LTA4H: variants seen among roughly 807,000 people sequenced by gnomAD.
LTA4H encodes leukotriene A4 hydrolase.
LTA4H carries 59 observed loss-of-function variants against 89.8 expected under a neutral mutation model. That is an observed-to-expected ratio of 0.66 (90% CI 0.53 to 0.82). The LOEUF is 0.82. Ranked by LOEUF, LTA4H falls within the 40% of genes least tolerant of loss-of-function variation. The pLI is 0.00. For synonymous variants in LTA4H, 227 were observed against 253.1 expected (o/e 0.90, Z 0.98); for missense variants, 617 against 727.0 (o/e 0.85, Z 1.74).
intron 3 of LTA4H, among the ~76,000 whole-genome samples, chr12:96,026,196 G>C (rs1950511331): frequency 6.6e-6 from 1 of 152,170 alleles, no homozygotes; most frequent in Non-Finnish European, 1.5e-5. Flanking sequence ...ATGGTTTCTA[G>C]TTAGGTGACA....
At chr12:96,010,055 T>C (rs1398509339) in intron 14 of LTA4H, 3 of 152,206 alleles carry the variant, frequency 2.0e-5, no homozygotes, top group Non-Finnish European at 4.4e-5. Flanking sequence ...GCATGCCATT[T>C]TGTCTTCAAG....
In LTA4H at chr12:96,018,862, C is replaced by G. The variant is rs181715691; in HGVS notation, c.753G>C (p.Pro251=). 1.2e-6 allele frequency: 2 copies of G among 1,602,022 alleles called. No individual in the cohort carries two copies. Among genetic ancestry groups the G allele is most frequent in the South Asian group, 2.3e-5 (2 of 88,342 alleles). ...MLKIAEDLGG[P]YVWGQYDLLV... Reference sequence around the variant, plus strand: ...ATAGGTCATACTGTCCCCATACATACGGTCCTCCCAGATCTTCTGCTATTT... The same window carrying G: ...ATAGGTCATACTGTCCCCATACATAGGGTCCTCCCAGATCTTCTGCTATTT... Residue 251 remains proline, a synonymous_variant, in exon 8 of 19, where the codon CCG becomes CCC. Transcript: ENST00000228740.
At chr12:96,012,163 G>A (rs1006960742) in intron 14 of LTA4H, 2 of 152,074 alleles carry the variant, frequency 1.3e-5, no homozygotes, top group Non-Finnish European at 2.9e-5. Flanking sequence ...AACACTTCTC[G>A]GCCTGGCTGT....
At position 96,029,068 on chromosome 12, in the gene LTA4H, T is replaced by C. The variant is rs1950543230; in HGVS notation, c.277A>G (p.Ile93Val). ...TAACATTCATACTTGCTCAAAGCGA[T>C]AGGAAGAGAGATTTCCATTGGCGAT... is the stretch of plus-strand genomic sequence containing the variant. Reference protein sequence around the residue: ...KGSPMEISLPIALSKNQEIVI... With the variant: ...KGSPMEISLPVALSKNQEIVI... The change falls in exon 2 of 19, where the codon ATC becomes GTC. Residue 93 changes from isoleucine to valine, a missense_variant. Physicochemically the swap from Ile to Val is conservative, Grantham distance 29. Transcript: ENST00000228740. The C allele has an allele frequency of 1.9e-6, 3 of 1,587,382 alleles. No homozygotes were observed. Among genetic ancestry groups the C allele is most frequent in the South Asian group, 1.2e-5 (1 of 84,696 alleles).
At chr12:96,032,036 T>C (rs1415625765) in intron 1 of LTA4H, among the ~76,000 whole-genome samples, 1 of 152,240 alleles carries the variant, frequency 6.6e-6, no homozygotes, top group Non-Finnish European at 1.5e-5. Context: ...AACAAGATGG[T>C]TTGCAGTCAG....
intron 13 of LTA4H, 39 bp downstream of exon 13, chr12:96,013,711 T>G: frequency 9.8e-7 from 1 of 1,024,572 alleles, no homozygotes; most frequent in Non-Finnish European, 1.5e-6. Flanking sequence ...AATAGAGATA[T>G]ATCGAGCATG....
intron 16 of LTA4H, 141 bp downstream of exon 16, chr12:96,006,173 T>C: frequency 1.8e-6 from 1 of 544,704 alleles, no homozygotes; most frequent in Non-Finnish European, 3.2e-6. Context: ...TTCAATGCTT[T>C]TTTAAAGAAA....
At chr12:96,021,631 G>A in intron 5 of LTA4H, among the ~76,000 whole-genome samples, 1 of 151,530 alleles carries the variant, frequency 6.6e-6, no homozygotes, top group East Asian at 1.9e-4. Context: ...AGCTGCAGTG[G>A]AAGTCAAATT....
Position 96,022,222 on chromosome 12 carries a change from A to C in LTA4H, c.510T>G (p.Leu170=), listed in dbSNP as rs1592889749. The change falls in exon 5 of 19, where the codon CTT becomes CTG. Residue 170 remains leucine (L), a synonymous_variant. Transcript: ENST00000228740. The surrounding 1 kb of genome is among the most constrained non-coding windows in gnomAD (Gnocchi z 4.0). The stretch of plus-strand genomic sequence containing the variant: ...TTTCTCCATCACGAATAGCACTCAT[A>C]AGTGCCACCAGTTCTTTAGGGACAG... ...EVSVPKELVA[L]MSAIRDGETP... 1 of 1,613,332 alleles carries C rather than the reference A, an allele frequency of 6.2e-7. No individual in the cohort carries two copies.
chr12:96,016,934 G>A, intron 10 of LTA4H, 110 bp downstream of exon 10: 1 of 764,672 alleles, frequency 1.3e-6, no homozygotes, highest in Non-Finnish European at 2.3e-6. Context: ...CCTAAGAGAT[G>A]ATAACAAAGA....
rs953318464 is a variant in LTA4H at position 96,043,036 on chromosome 12, A to G, written c.87+253T>C. Among the ~76,000 whole-genome samples the G allele has an allele frequency of 3.3e-5, 5 of 152,102 alleles. No individual in the cohort carries two copies. The East Asian group carries it at 9.7e-4, about 29-fold the overall frequency. ...TCATACTTCATTCTTCCCCCAAAGC[A>G]CTCTGTCCTTGGACTGCACCTTCAC... is the stretch of plus-strand genomic sequence containing the variant. On this transcript the variant is annotated intron_variant, in intron 1 of 17. Transcript: ENST00000413268.
chr12:96,042,300 A>G, intron 1 of LTA4H, among the ~76,000 whole-genome samples: 1 of 152,108 alleles, frequency 6.6e-6, no homozygotes, highest in Non-Finnish European at 1.5e-5. Context: ...CCACTAACGC[A>G]GGCCTCCATA....
chr12:96,038,246 A>G (rs568721229), upstream of LTA4H, among the ~76,000 whole-genome samples: 5 of 152,330 alleles, frequency 3.3e-5, no homozygotes, highest in African/African-American at 9.6e-5. Flanking sequence ...AAAAACTGCT[A>G]TATTTCTGGA....
intron 1 of LTA4H, among the ~76,000 whole-genome samples, chr12:96,043,019 C>A (rs1180339105): frequency 6.6e-6 from 1 of 152,246 alleles, no homozygotes; most frequent in African/African-American, 2.4e-5. Context: ...TCTCATACTT[C>A]ATTCTTCCCC....
chr12:96,041,781 A>G (rs2367870), intron 1 of LTA4H, among the ~76,000 whole-genome samples: 91,033 of 151,362 alleles, frequency 0.6, 27,780 homozygotes, highest in African/African-American at 0.7. Context: ...AGCTGGGACT[A>G]CAGGCGCCCG....
chr12:96,025,625 A>C (rs1181417727), intron 3 of LTA4H, among the ~76,000 whole-genome samples: 1 of 152,032 alleles, frequency 6.6e-6, no homozygotes, highest in Non-Finnish European at 1.5e-5. Flanking sequence ...GAGCTCTAGA[A>C]TTTGAGACCA....
At chr12:96,010,620 A>G (rs1347695228) in intron 14 of LTA4H, 1 of 152,288 alleles carries the variant, frequency 6.6e-6, no homozygotes, top group Non-Finnish European at 1.5e-5. Context: ...AAAGGGAGCT[A>G]GAGTGTTAGG....
At chr12:96,014,098 A>T (rs763187135) in intron 12 of LTA4H, 4 of 303,110 alleles carry the variant, frequency 1.3e-5, no homozygotes, top group Non-Finnish European at 2.4e-5. Flanking sequence ...TAAGGGGATA[A>T]CACATGAAGA....
At chr12:96,003,181 G>A (rs1202742217) in intron 17 of LTA4H, 117 bp from the exon 18 acceptor site, 5 of 619,046 alleles carry the variant, frequency 8.1e-6, no homozygotes, top group Non-Finnish European at 1.4e-5. Context: ...TAGTTATACT[G>A]TACACCACTT....
Sources: gnomAD v4.1 joint callset for allele counts (sites outside exome capture counted in the v4.1 genomes callset) on GRCh38, gnomAD v4.1.1 for gene constraint, Gnocchi (gnomAD v3.1) non-coding constraint, MANE v1.5 for transcripts, NCBI Gene and HGNC (gene_info 2026-07-23, HGNC 2026-07-21) for gene names.